Variants in MRC2 observed in about 807,000 individuals in gnomAD.
The protein encoded by MRC2 is C-type mannose receptor 2.
In MRC2, 84 loss-of-function variants were observed where a neutral mutation model predicts 206.2. The ratio of observed to expected loss-of-function variants is 0.41; its 90% CI spans 0.34 to 0.49. The LOEUF (loss-of-function observed/expected upper bound fraction) is 0.49, where lower values mean the gene tolerates loss of function less well. Among genes scored for constraint, MRC2 ranks in the 20% least tolerant of loss-of-function variants. The probability of loss-of-function intolerance (pLI) is 0.31; values close to 1 mark genes in which losing one functional copy is unlikely to be tolerated. For synonymous variants in MRC2, 798 were observed against 800.0 expected, an observed-to-expected ratio of 1.00 and a Z score of 0.04; for missense variants, 1,676 against 2,001.5, an observed-to-expected ratio of 0.84 and a Z score of 3.10.
At chr17:62,647,495 T>TA (rs900286632) in intron 1 of MRC2, among the ~76,000 whole-genome samples, 304 of 150,270 alleles carry the variant, frequency 2.0e-3, no homozygotes, top group Middle Eastern at 6.9e-3. Flanking sequence ...ATTTTTGCTT[T>TA]AAAAAAAAAA....
At position 62,688,513 on chromosome 17, in the gene MRC2, C is replaced by T; in HGVS notation, c.3074C>T (p.Ala1025Val). 6.2e-7 allele frequency: 1 copy of T among 1,614,234 alleles called. No individual in the cohort carries two copies. Among genetic ancestry groups the T allele is most frequent in the Non-Finnish European group, 8.5e-7 (1 of 1,180,036 alleles). ...TNPLEQAFIT[A>V]SLPNVTFDLW... ...CTGGGGACCATAGCATTCATCACAGCCAGCCTGCCCAATGTGACCTTTGAC... is the reference window on the plus strand; with the variant it reads ...CTGGGGACCATAGCATTCATCACAGTCAGCCTGCCCAATGTGACCTTTGAC... The change falls in exon 22 of 30, where the codon GCC becomes GTC. Residue 1025 changes from alanine (A) to valine (V), a missense_variant. Ala to Val is a moderately conservative substitution (Grantham distance 64). Coordinates refer to ENST00000303375, the MANE Select transcript of MRC2 (RefSeq NM_006039.5).
At position 62,672,130 on chromosome 17, in the gene MRC2, A is replaced by G; in HGVS notation, c.1439A>G (p.Asp480Gly). ...EPNNFRDSLE[D>G]CVTIWGPEGR... ...AACAACTTCCGGGACAGTCTGGAGG[A>G]CTGTGTCACCATCTGGGGCCCGGTG... Residue 480 changes from aspartate to glycine, a missense_variant, in exon 8 of 30, where the codon GAC becomes GGC. By Grantham distance (94) the Asp-to-Gly change is moderately conservative (BLOSUM62 -1). Coordinates refer to ENST00000303375, the MANE Select transcript of MRC2 (RefSeq NM_006039.5). The surrounding 1 kb of genome is among the most constrained non-coding windows in gnomAD (Gnocchi z 4.5). 1 of 1,614,036 alleles carries G rather than the reference A, an allele frequency of 6.2e-7. No individual in the cohort carries two copies. The highest frequency in any genetic ancestry group is 8.5e-7 in the Non-Finnish European group (1 of 1,180,000).
chr17:62,632,585 C>T (rs1312661393), intron 1 of MRC2, among the ~76,000 whole-genome samples: 1 of 152,210 alleles, frequency 6.6e-6, no homozygotes, highest in Non-Finnish European at 1.5e-5. Context: ...TCTGCCCACG[C>T]ACGATCACTT....
Position 62,666,336 on chromosome 17 carries a change from G to A in MRC2, c.694+69G>A. Reference sequence around the variant, plus strand: ...AGGGAGGCTGGTGCTGAGGGGCCCCGGGGCCCAGGGTGAGATACTGCCCCC... The same window carrying A: ...AGGGAGGCTGGTGCTGAGGGGCCCCAGGGCCCAGGGTGAGATACTGCCCCC... On this transcript the variant is annotated intron_variant, in intron 3 of 29. Transcript: ENST00000303375. This position sits in a 1 kb window ranked among gnomAD's most constrained non-coding sequence, Gnocchi z 5.0. 3 of 1,558,346 alleles carry A rather than the reference G, an allele frequency of 1.9e-6. No individual in the cohort carries two copies. The highest frequency in any genetic ancestry group is 2.1e-4 in the Middle Eastern group (1 of 4,774).
chr17:62,628,041 G>T (rs560258979), intron 1 of MRC2, 121 bp downstream of exon 1: 1 of 608,518 alleles, frequency 1.6e-6, no homozygotes, highest in African/African-American at 1.9e-5. Context: ...GTGTGCGTGT[G>T]TGTGTGACTG....
In MRC2 at chr17:62,680,694, C is replaced by G; in HGVS notation, c.2474-106C>G. The G allele has an allele frequency of 7.4e-7, 1 of 1,349,546 alleles. No individual in the cohort carries two copies. Among genetic ancestry groups the G allele is most frequent in the Non-Finnish European group, 9.6e-7 (1 of 1,036,664 alleles). 83.6% of individuals were successfully genotyped at this position (1,349,546 alleles called of 1,614,324 possible). A position where few individuals can be genotyped will look rare whatever the true frequency, so the allele number is the denominator to read the frequency against. ...CCTGGGTCCGGTGTGCCTGCAGGCT[C>G]GCCTGCTGCCGCCTGGCTCTGCCCC... is the stretch of plus-strand genomic sequence containing the variant. On this transcript the variant is annotated intron_variant, in intron 16 of 29. Transcript: ENST00000303375. The surrounding 1 kb of genome is among the most constrained non-coding windows in gnomAD (Gnocchi z 4.8).
chr17:62,644,449 ATGCCG>A (rs1455736301), intron 1 of MRC2, among the ~76,000 whole-genome samples: 1 of 151,874 alleles, frequency 6.6e-6, no homozygotes, highest in East Asian at 1.9e-4. Flanking sequence ...TGGAGGCGGG[ATGCCG>A]TGGCTCACGC....
intron 1 of MRC2, among the ~76,000 whole-genome samples, chr17:62,647,438 G>T (rs549268927): frequency 1.1e-3 from 173 of 151,910 alleles, no homozygotes; most frequent in Middle Eastern, 0.01. Context: ...ACCCGCCTCG[G>T]CCTCCTGAAG....
In MRC2 at chr17:62,667,542, G is replaced by C. The variant is rs1342007872; in HGVS notation, c.1117+9G>C. The C allele has an allele frequency of 6.2e-7, 1 of 1,607,494 alleles. No individual in the cohort carries two copies. The highest frequency in any genetic ancestry group is 1.1e-5 in the South Asian group (1 of 90,534). On this transcript the variant is annotated intron_variant, in intron 6 of 29. Transcript: ENST00000303375. This position sits in a 1 kb window ranked among gnomAD's most constrained non-coding sequence, Gnocchi z 4.1. ...CGAGCCCACCCCTCCAGGTGAGCCA[G>C]GGACTGTGCCGCAGGGTGGGGAGGG...
intron 19 of MRC2, 25 bp downstream of exon 19, chr17:62,681,962 G>A (rs770918453): frequency 4.2e-5 from 67 of 1,596,338 alleles, no homozygotes; most frequent in Non-Finnish European, 5.6e-5. Flanking sequence ...GGGGCAGAGT[G>A]CGCAGTCAGC....
chr17:62,641,109 G>A (rs1028390625), intron 1 of MRC2, among the ~76,000 whole-genome samples: 2 of 151,738 alleles, frequency 1.3e-5, no homozygotes, highest in Admixed American at 6.6e-5. Flanking sequence ...TCAAAGTGCT[G>A]GAGTTACAGG....
At chr17:62,689,804 G>C in intron 24 of MRC2, 44 bp downstream of exon 24, 1 of 1,530,816 alleles carries the variant, frequency 6.5e-7, no homozygotes, top group South Asian at 1.2e-5. Flanking sequence ...CCTTGCCCGG[G>C]TTCCCCTCCC....
intron 1 of MRC2, among the ~76,000 whole-genome samples, chr17:62,658,579 A>T (rs568291801): frequency 6.6e-6 from 1 of 152,158 alleles, no homozygotes; most frequent in African/African-American, 2.4e-5. Flanking sequence ...CAGACCCTTC[A>T]TTCACCGTTT....
In MRC2 at chr17:62,627,991, A is replaced by G. The variant is rs2084182674; in HGVS notation, c.118+71A>G. The G allele has an allele frequency of 2.8e-6, 3 of 1,054,520 alleles. No homozygotes were observed. In the Admixed American group the frequency reaches 1.2e-4, roughly 42 times the overall value. 65.3% of individuals were successfully genotyped at this position (1,054,520 alleles called of 1,614,324 possible). On this transcript the variant is annotated intron_variant, in intron 1 of 29. Coordinates refer to ENST00000303375, the MANE Select transcript of MRC2 (RefSeq NM_006039.5). The stretch of plus-strand genomic sequence containing the variant: ...AGCGCCGAGGCGCGGGCCGCTCTCG[A>G]CTTTTCCCTCCTTTTCCCCCCTCTT...
chr17:62,681,124 C>T lies in MRC2; in HGVS notation c.2697C>T (p.Arg899=). 1 of 1,613,578 alleles carries T rather than the reference C, an allele frequency of 6.2e-7. No individual in the cohort carries two copies. ...IGLHTSESDG[R]FRWTDGSIIN... is the part of the protein sequence containing the mutation. ...TGCACACCTCTGAGAGCGATGGGCG[C>T]TTCAGGTAGGAACCCAGGCAGGCAG... Residue 899 remains arginine, a synonymous_variant, in exon 18 of 30, where the codon CGC becomes CGT. Transcript: ENST00000303375.
rs1483919765 is a variant in MRC2 at position 62,692,331 on chromosome 17, G to A, written c.4320G>A (p.Gln1440=). ...CCCTCATCCTTTACCGGAGGCGCCAGAGCATCGAGCGCGGGGCCTTTGAGG... is the reference window on the plus strand; with the variant it reads ...CCCTCATCCTTTACCGGAGGCGCCAAAGCATCGAGCGCGGGGCCTTTGAGG... ...TAALILYRRR[Q]SIERGAFEGA... The change falls in exon 30 of 30, where the codon CAG becomes CAA. Residue 1440 remains glutamine, a synonymous_variant. Transcript: ENST00000303375. This position sits in a 1 kb window ranked among gnomAD's most constrained non-coding sequence, Gnocchi z 4.2. 1.3e-6 allele frequency: 2 copies of A among 1,580,062 alleles called. No individual in the cohort carries two copies. The highest frequency in any genetic ancestry group is 1.8e-5 in the Admixed American group (1 of 54,054).
chr17:62,646,156 C>T (rs1039809416), intron 1 of MRC2, among the ~76,000 whole-genome samples: 6 of 151,712 alleles, frequency 4.0e-5, no homozygotes, highest in African/African-American at 1.5e-4. Context: ...TCCCAAGTAG[C>T]TGGGACTACA....
At chr17:62,649,700 C>T (rs944083863) in intron 1 of MRC2, among the ~76,000 whole-genome samples, 3 of 152,100 alleles carry the variant, frequency 2.0e-5, no homozygotes, top group African/African-American at 4.8e-5. Context: ...CATTAGGAAA[C>T]GTGCCTTGAT....
intron 18 of MRC2, chr17:62,681,561 T>C (rs2088966745): frequency 2.1e-6 from 1 of 473,190 alleles, no homozygotes; most frequent in African/African-American, 2.0e-5. Flanking sequence ...GAATTTGAGC[T>C]TGTCTTTTTG....
Sources: gnomAD v4.1 joint callset for allele counts (sites outside exome capture counted in the v4.1 genomes callset) on GRCh38, gnomAD v4.1.1 for gene constraint, Gnocchi (gnomAD v3.1) non-coding constraint, MANE v1.5 for transcripts, NCBI Gene and HGNC (gene_info 2026-07-23, HGNC 2026-07-21) for gene names.